CNTLN: variants seen among roughly 807,000 people sequenced by gnomAD.
CNTLN encodes centlein, also known as centlein, centrosomal protein.
Under a neutral mutation model 180.0 loss-of-function variants are expected in CNTLN, and 212 were observed. That is an observed-to-expected ratio of 1.18 (90% confidence interval 1.05 to 1.32). The LOEUF (loss-of-function observed/expected upper bound fraction) is 1.32. Among genes scored for constraint, CNTLN ranks in the 40% most tolerant of loss-of-function variants. The pLI is 0.00. For missense variants in CNTLN, 2,095 were observed against 1,610.9 expected (o/e 1.30, Z -5.14); for synonymous variants, 722 against 563.1 (o/e 1.28, Z -3.99).
chr9:17,394,746 C>T lies in CNTLN; in HGVS notation c.2292C>T (p.Ile764=). 1 of 1,613,918 alleles carries T rather than the reference C, an allele frequency of 6.2e-7. No homozygotes were observed. The highest frequency in any genetic ancestry group is 8.5e-7 in the Non-Finnish European group (1 of 1,179,940). The change falls in exon 15 of 26, where the codon ATC becomes ATT. Residue 764 remains isoleucine, a synonymous_variant. Coordinates refer to ENST00000380647, the MANE Select transcript of CNTLN (RefSeq NM_017738.4). The stretch of plus-strand genomic sequence containing the variant: ...AAAATACTGAACTTCAAGTAAAAAT[C>T]AGTGAGCTGGAGACAGAAGTCACTT... The part of the protein sequence containing the change: ...EKENTELQVK[I]SELETEVTSL...
chr9:17,413,918 T>G (rs959357793), intron 16 of CNTLN, among the ~76,000 whole-genome samples: 1 of 152,190 alleles, frequency 6.6e-6, no homozygotes, highest in Non-Finnish European at 1.5e-5. Context: ...TGAATGATCA[T>G]AGAACCTTTG....
At position 17,415,999 on chromosome 9, in the gene CNTLN, A is replaced by C. The variant is rs1280945022; in HGVS notation, c.2924A>C (p.Gln975Pro). ...GAAAAGTACAAAAATATAACTGCCC[A>C]GAAATCAAGTAGCAATATTATTTTA... ...NREKYKNITA[Q>P]KSSSNIILLR... Residue 975 changes from glutamine (Q) to proline (P), a missense_variant, in exon 18 of 26, where the codon CAG (glutamine) becomes CCG (proline). Physicochemically the swap from Gln to Pro is moderately conservative, Grantham distance 76 (BLOSUM62 -1). Transcript: ENST00000380647. 2.5e-6 allele frequency: 4 copies of C among 1,612,330 alleles called. No homozygotes were observed. The highest frequency in any genetic ancestry group is 3.4e-6 in the Non-Finnish European group (4 of 1,179,488).
At chr9:17,252,187 A>G (rs2132282841) in intron 5 of CNTLN, among the ~76,000 whole-genome samples, 1 of 151,958 alleles carries the variant, frequency 6.6e-6, no homozygotes, top group East Asian at 1.9e-4. Flanking sequence ...GAATAATGCC[A>G]CAATAAATGT....
chr9:17,222,876 A>T (rs141171621), intron 2 of CNTLN, among the ~76,000 whole-genome samples: 74 of 151,796 alleles, frequency 4.9e-4, no homozygotes, highest in Middle Eastern at 3.4e-3. Flanking sequence ...TATCTTACTA[A>T]TCTATAAATG....
At chr9:17,380,005 A>G (rs533699081) in intron 13 of CNTLN, among the ~76,000 whole-genome samples, 24 of 152,342 alleles carry the variant, frequency 1.6e-4, no homozygotes, top group Admixed American at 4.6e-4. Context: ...GACAGCTGAA[A>G]TGCCAGGTGT....
At chr9:17,369,295 T>C (rs1824107888) in intron 13 of CNTLN, among the ~76,000 whole-genome samples, 1 of 152,026 alleles carries the variant, frequency 6.6e-6, no homozygotes, top group African/African-American at 2.4e-5. Flanking sequence ...TCCAGAGGCC[T>C]CCCCAGCCAT....
chr9:17,271,641 A>T (rs1051244653), intron 5 of CNTLN, among the ~76,000 whole-genome samples: 2 of 152,054 alleles, frequency 1.3e-5, no homozygotes, highest in Non-Finnish European at 2.9e-5. Context: ...TGATGAATGG[A>T]TCCACCATTC....
chr9:17,270,820 A>G (rs994395799), intron 5 of CNTLN, among the ~76,000 whole-genome samples: 3 of 151,760 alleles, frequency 2.0e-5, no homozygotes, highest in African/African-American at 7.3e-5. Flanking sequence ...CTTTTTTTGA[A>G]TTTTTAAATT....
chr9:17,144,002 A>C (rs1818281616), intron 2 of CNTLN, among the ~76,000 whole-genome samples: 1 of 152,180 alleles, frequency 6.6e-6, no homozygotes, highest in Admixed American at 6.5e-5. Context: ...CAATGAAAAC[A>C]CTTGCTTTCT....
chr9:17,432,158 C>A (rs1829455806), intron 18 of CNTLN, among the ~76,000 whole-genome samples: 1 of 151,604 alleles, frequency 6.6e-6, no homozygotes. Flanking sequence ...AATAGCAGAC[C>A]ACTAGAGACA....
intron 18 of CNTLN, among the ~76,000 whole-genome samples, chr9:17,456,446 A>C (rs994512048): frequency 1.3e-5 from 2 of 152,160 alleles, no homozygotes; most frequent in Non-Finnish European, 2.9e-5. Context: ...TCTAGTTTTG[A>C]GTCCATGATC....
At chr9:17,431,633 G>T (rs551084199) in intron 18 of CNTLN, among the ~76,000 whole-genome samples, 116 of 152,140 alleles carry the variant, frequency 7.6e-4, no homozygotes, top group African/African-American at 2.7e-3. Flanking sequence ...GCCCTGAAGT[G>T]TTTTTTCCCA....
chr9:17,185,932 A>G (rs1440861544), intron 2 of CNTLN, among the ~76,000 whole-genome samples: 2 of 152,002 alleles, frequency 1.3e-5, no homozygotes, highest in African/African-American at 4.8e-5. Context: ...AGCTGGGACT[A>G]TAGGCGCGCA....
At chr9:17,197,503 T>G (rs1328136817) in intron 2 of CNTLN, among the ~76,000 whole-genome samples, 2 of 152,170 alleles carry the variant, frequency 1.3e-5, no homozygotes, top group African/African-American at 4.8e-5. Context: ...TGGAGCACCT[T>G]TTTATATACC....
At chr9:17,189,548 A>AT (rs1475436501) in intron 2 of CNTLN, among the ~76,000 whole-genome samples, 1 of 150,644 alleles carries the variant, frequency 6.6e-6, no homozygotes, top group Non-Finnish European at 1.5e-5. Flanking sequence ...CAGTGGCGTG[A>AT]TCTTGGCTCA....
intron 2 of CNTLN, among the ~76,000 whole-genome samples, chr9:17,216,714 A>G (rs1380890113): frequency 6.6e-6 from 1 of 152,064 alleles, no homozygotes; most frequent in Non-Finnish European, 1.5e-5. Flanking sequence ...CACTACTGGG[A>G]CCACCTCCCT....
At chr9:17,522,153 T>C in the CNTLN span, among the ~76,000 whole-genome samples, 4 of 152,094 alleles carry the variant, frequency 2.6e-5, no homozygotes, top group African/African-American at 9.7e-5. Context: ...CTCCCAGGGA[T>C]TTTTTAAGGA....
chr9:17,298,159 C>G (rs1354962707), intron 6 of CNTLN, 31 bp from the exon 7 acceptor site: 1 of 1,395,792 alleles, frequency 7.2e-7, no homozygotes, highest in South Asian at 2.0e-5. Context: ...TTTATCCATA[C>G]TTTTCTCTAT....
chr9:17,441,836 A>G (rs550469002), intron 18 of CNTLN, among the ~76,000 whole-genome samples: 305 of 152,312 alleles, frequency 2.0e-3, no homozygotes, highest in African/African-American at 7.0e-3. Flanking sequence ...ACAGGCTTAT[A>G]GTGAAGGGAT....
Sources: gnomAD v4.1 joint callset for allele counts (sites outside exome capture counted in the v4.1 genomes callset) on GRCh38, gnomAD v4.1.1 for gene constraint, MANE v1.5 for transcripts, NCBI Gene and HGNC (gene_info 2026-07-23, HGNC 2026-07-21) for gene names.